Variants in KIRREL3 observed in about 807,000 individuals in gnomAD.
KIRREL3 encodes kirre like nephrin family adhesion molecule 3.
KIRREL3 carries 36 observed loss-of-function variants against 89.7 expected under a neutral mutation model. That is an observed-to-expected ratio of 0.40 (90% CI 0.31 to 0.53). KIRREL3 has a LOEUF of 0.53. Ranked by LOEUF, KIRREL3 falls within the 20% of genes least tolerant of loss-of-function variation. The pLI is 0.49. For missense variants in KIRREL3, 864 were observed against 1,056.6 expected (o/e 0.82, Z 2.53); for synonymous variants, 445 against 441.4 (o/e 1.01, Z -0.10).
intron 1 of KIRREL3, among the ~76,000 whole-genome samples, chr11:126,950,456 G>T (rs1050921275): frequency 6.6e-6 from 1 of 152,084 alleles, no homozygotes; most frequent in Non-Finnish European, 1.5e-5. Context: ...TGACCTCTAC[G>T]GGCAGGCGGT....
chr11:126,883,932 C>T lies in KIRREL3; in HGVS notation c.55+116523G>A, dbSNP rs1382483373. 2.0e-5 allele frequency among the ~76,000 whole-genome samples: 3 copies of T among 152,142 alleles called. No homozygotes were observed. The highest frequency in any genetic ancestry group is 7.2e-5 in the African/African-American group (3 of 41,428). On this transcript the variant is annotated intron_variant, in intron 1 of 16. Transcript: ENST00000525144. This position sits in a 1 kb window ranked among gnomAD's most constrained non-coding sequence, Gnocchi z 4.1. The stretch of plus-strand genomic sequence containing the variant: ...CTTTCTGATCACTGGAGCAGTTCAA[C>T]AATGGAAGCTTCTCAAAGACATGAG...
intron 5 of KIRREL3, among the ~76,000 whole-genome samples, chr11:126,472,285 C>T (rs1021857601): frequency 2.0e-5 from 3 of 152,180 alleles, no homozygotes; most frequent in Non-Finnish European, 4.4e-5. Flanking sequence ...AACTGGGCGG[C>T]TTATAAACCA....
rs535838647 is a variant in KIRREL3 at position 126,840,396 on chromosome 11, T to G, written c.55+160059A>C. 2.0e-5 allele frequency among the ~76,000 whole-genome samples: 3 copies of G among 152,334 alleles called. No homozygotes were observed. In the East Asian group the frequency reaches 5.8e-4, roughly 29 times the overall value. ...TTTTCAGGCCACATCTCCTTAGTCT[T>G]ATTTTCCATTACTCATAGGATCTGA... On this transcript the variant is annotated intron_variant, in intron 1 of 16. Coordinates refer to ENST00000525144, the MANE Select transcript of KIRREL3 (RefSeq NM_032531.4).
rs954384453 is a variant in KIRREL3 at position 126,771,206 on chromosome 11, A to T, written c.56-208294T>A. Among the ~76,000 whole-genome samples, 13 of 152,128 alleles carry T rather than the reference A, an allele frequency of 8.5e-5. No homozygotes were observed. Among genetic ancestry groups the T allele is most frequent in the Non-Finnish European group, 1.5e-4 (10 of 68,000 alleles). ...TAGCTGCTTTTACAACCATTGTCTC[A>T]GTGCGTCCCTAAATAGCCTGGCAAG... is the stretch of plus-strand genomic sequence containing the variant. On this transcript the variant is annotated intron_variant, in intron 1 of 16. Transcript: ENST00000525144. The surrounding 1 kb of genome is among the most constrained non-coding windows in gnomAD (Gnocchi z 4.4).
rs1955166297 is a variant in KIRREL3 at position 126,432,321 on chromosome 11, A to G, written c.1589-795T>C. On this transcript the variant is annotated intron_variant, in intron 13 of 16. Coordinates refer to ENST00000525144, the MANE Select transcript of KIRREL3 (RefSeq NM_032531.4). The surrounding 1 kb of genome is among the most constrained non-coding windows in gnomAD (Gnocchi z 6.2). ...TCTCCTGCCCAAGCCGAGTGGGGGT[A>G]GGGACAGGGAGGGTAAGGATAGAGT... Among the ~76,000 whole-genome samples the G allele has an allele frequency of 6.6e-6, 1 of 152,144 alleles. No homozygotes were observed. Among genetic ancestry groups the G allele is most frequent in the Non-Finnish European group, 1.5e-5 (1 of 68,002 alleles).
rs1356253034 is a variant in KIRREL3, at chr11:126,492,607, GT to G, written c.434-19142del. Among the ~76,000 whole-genome samples, 2 of 152,204 alleles carry G rather than the reference GT, an allele frequency of 1.3e-5. No individual in the cohort carries two copies. The highest frequency in any genetic ancestry group is 1.3e-4 in the Admixed American group (2 of 15,282). ...CCACACAGCAAGCGTCACCTCAGCT[GT>G]TGGAGGGGAACAGCCACCAGGCCAT... On this transcript the variant is annotated intron_variant, in intron 4 of 16. Transcript: ENST00000525144. The surrounding 1 kb of genome is among the most constrained non-coding windows in gnomAD (Gnocchi z 4.8).
At chr11:126,735,591 G>T (rs1465625289) in intron 1 of KIRREL3, among the ~76,000 whole-genome samples, 1 of 152,228 alleles carries the variant, frequency 6.6e-6, no homozygotes, top group Non-Finnish European at 1.5e-5. Flanking sequence ...ATTGGAGAAG[G>T]TGGCTTTGGA....
chr11:126,849,729 A>G (rs1944279149), intron 1 of KIRREL3, among the ~76,000 whole-genome samples: 1 of 152,200 alleles, frequency 6.6e-6, no homozygotes, highest in Non-Finnish European at 1.5e-5. Flanking sequence ...AGAGAAGGGA[A>G]AGAGACAGAA....
At position 126,640,410 on chromosome 11, in the gene KIRREL3, C is replaced by T. The variant is rs549046258; in HGVS notation, c.56-77498G>A. On this transcript the variant is annotated intron_variant, in intron 1 of 16. Transcript: ENST00000525144. The surrounding 1 kb of genome is among the most constrained non-coding windows in gnomAD (Gnocchi z 4.9). ...CACAGAATTAAAAGGCATCCTCATC[C>T]GGAACTAGCAAACAGACTGTCAGTT... 9.2e-5 allele frequency among the ~76,000 whole-genome samples: 14 copies of T among 152,262 alleles called. No homozygotes were observed. The highest frequency in any genetic ancestry group is 2.1e-4 in the South Asian group (1 of 4,818).
intron 1 of KIRREL3, among the ~76,000 whole-genome samples, chr11:126,937,646 A>G (rs1948251653): frequency 6.6e-6 from 1 of 151,614 alleles, no homozygotes; most frequent in African/African-American, 2.4e-5. Flanking sequence ...CATGCCTGTA[A>G]TCCCAGCACT....
chr11:126,837,835 C>T lies in KIRREL3; in HGVS notation c.55+162620G>A, dbSNP rs529452489. On this transcript the variant is annotated intron_variant, in intron 1 of 16. Coordinates refer to ENST00000525144, the MANE Select transcript of KIRREL3 (RefSeq NM_032531.4). This position sits in a 1 kb window ranked among gnomAD's most constrained non-coding sequence, Gnocchi z 4.7. ...AACTTGCTATCCATTTCTAGCAGCT[C>T]GCAGTCTATGTCCAGGCATACATCC... Among the ~76,000 whole-genome samples the T allele has an allele frequency of 1.3e-5, 2 of 152,160 alleles. No individual in the cohort carries two copies. The highest frequency in any genetic ancestry group is 2.4e-5 in the African/African-American group (1 of 41,424).
chr11:126,671,344 G>A (rs1021260805), intron 1 of KIRREL3, among the ~76,000 whole-genome samples: 8 of 151,178 alleles, frequency 5.3e-5, no homozygotes, highest in Non-Finnish European at 8.8e-5. Flanking sequence ...CTGAGATTAC[G>A]GGCATGAGCC....
chr11:126,512,340 C>T (rs10893527), intron 4 of KIRREL3, among the ~76,000 whole-genome samples: 49,504 of 152,140 alleles, frequency 0.33, 8,439 homozygotes, highest in Admixed American at 0.39. Flanking sequence ...GTCCTTGAGG[C>T]GAAGCTGTCC....
intron 5 of KIRREL3, among the ~76,000 whole-genome samples, chr11:126,469,540 A>C (rs7925175): frequency 0.64 from 97,872 of 152,064 alleles, 31,914 homozygotes; most frequent in East Asian, 0.83. Flanking sequence ...GGATTGTGTA[A>C]CCTACTGGGT....
chr11:126,728,731 C>A (rs77159389), intron 1 of KIRREL3, among the ~76,000 whole-genome samples: 2,258 of 152,286 alleles, frequency 0.015, 61 homozygotes, highest in African/African-American at 0.051. Flanking sequence ...AAGCTTTAAG[C>A]GGGAGGATTC....
At position 126,551,367 on chromosome 11, in the gene KIRREL3, C is replaced by T. The variant is rs1198176570; in HGVS notation, c.133+11468G>A. Among the ~76,000 whole-genome samples the T allele has an allele frequency of 6.6e-6, 1 of 152,154 alleles. No individual in the cohort carries two copies. Among genetic ancestry groups the T allele is most frequent in the African/African-American group, 2.4e-5 (1 of 41,460 alleles). On this transcript the variant is annotated intron_variant, in intron 2 of 16. Coordinates refer to ENST00000525144, the MANE Select transcript of KIRREL3 (RefSeq NM_032531.4). This position sits in a 1 kb window ranked among gnomAD's most constrained non-coding sequence, Gnocchi z 4.9. Reference sequence around the variant, plus strand: ...GGGAAAGGAGGGCCGGAGAGAGATCCTGTTTCCCGAGGCCTGCCCCTGAGG... The same window carrying T: ...GGGAAAGGAGGGCCGGAGAGAGATCTTGTTTCCCGAGGCCTGCCCCTGAGG...
rs147246202 is a variant in KIRREL3, at chr11:126,715,470, A to G, written c.56-152558T>C. Among the ~76,000 whole-genome samples, 3 of 152,188 alleles carry G rather than the reference A, an allele frequency of 2.0e-5. No homozygotes were observed. Among genetic ancestry groups the G allele is most frequent in the Admixed American group, 1.3e-4 (2 of 15,278 alleles). On this transcript the variant is annotated intron_variant, in intron 1 of 16. Coordinates refer to ENST00000525144, the MANE Select transcript of KIRREL3 (RefSeq NM_032531.4). This position sits in a 1 kb window ranked among gnomAD's most constrained non-coding sequence, Gnocchi z 4.4. The stretch of plus-strand genomic sequence containing the variant: ...TGACAGCTCAAGACCACATGGGCTC[A>G]TCACTGTGATCTTAAGGAAAGAAAT...
intron 1 of KIRREL3, among the ~76,000 whole-genome samples, chr11:126,573,145 G>A (rs1486695555): frequency 6.6e-6 from 1 of 152,200 alleles, no homozygotes; most frequent in Non-Finnish European, 1.5e-5. Flanking sequence ...AGGGAGGCCA[G>A]GGGACAGCAC....
chr11:126,701,323 C>T (rs188327369), intron 1 of KIRREL3, among the ~76,000 whole-genome samples: 33 of 152,246 alleles, frequency 2.2e-4, no homozygotes, highest in Admixed American at 1.2e-3. Flanking sequence ...CCAGCATCAA[C>T]GTGACATGTT....
Sources: gnomAD v4.1 joint callset for allele counts (sites outside exome capture counted in the v4.1 genomes callset) on GRCh38, gnomAD v4.1.1 for gene constraint, Gnocchi (gnomAD v3.1) non-coding constraint, MANE v1.5 for transcripts, NCBI Gene and HGNC (gene_info 2026-07-23, HGNC 2026-07-21) for gene names.